The following MYO16 variants were observed in gnomAD, a reference collection of about 807,000 sequenced individuals.
MYO16 encodes the protein myosin XVI, also known as unconventional myosin-XVI.
Under a neutral mutation model 205.3 loss-of-function variants are expected in MYO16, and 94 were observed. The ratio of observed to expected loss-of-function variants is 0.46; its 90% confidence interval spans 0.39 to 0.54. The LOEUF (loss-of-function observed/expected upper bound fraction) is 0.54. Ranked by LOEUF, MYO16 falls within the 20% of genes least tolerant of loss-of-function variation. The pLI, the probability that MYO16 is intolerant of heterozygous loss-of-function variation, is 0.00. For missense variants in MYO16, 2,315 were observed against 2,387.5 expected, an observed-to-expected ratio of 0.97 and a Z score of 0.63; for synonymous variants, 988 against 954.0, an observed-to-expected ratio of 1.04 and a Z score of -0.66.
At chr13:109,174,968 T>C (rs1050335688) in intron 33 of MYO16, among the ~76,000 whole-genome samples, 2 of 151,812 alleles carry the variant, frequency 1.3e-5, no homozygotes, top group Admixed American at 6.6e-5. Flanking sequence ...GCCAGAATGG[T>C]CTTGATCTGC....
In MYO16 at chr13:108,940,607, A is replaced by G. The variant is rs567791853; in HGVS notation, c.1926-17081A>G. Among the ~76,000 whole-genome samples the G allele has an allele frequency of 9.2e-5, 14 of 152,342 alleles. No homozygotes were observed. In the South Asian group the frequency reaches 2.9e-3, roughly 32 times the overall value. On this transcript the variant is annotated intron_variant, in intron 16 of 34. Transcript: ENST00000457511. ...GAAGTAACACAGACGCTTAGAGTAA[A>G]TGTGCTTGTAATAATAATTATATTA... is the stretch of plus-strand genomic sequence containing the variant.
chr13:109,008,945 G>A lies in MYO16; in HGVS notation c.2491G>A (p.Val831Met). ...GAAGATGCACCACTATATCAATGAA[G>A]TGCTTTTTCTCCACGAGCAAGTGGA... ...NEKMHHYINEVLFLHEQVECV... is the reference protein window; with the variant it reads ...NEKMHHYINEMLFLHEQVECV... Residue 831 changes from valine to methionine, a missense_variant, in exon 22 of 35, where the codon GTG (valine) becomes ATG (methionine). Val to Met is a conservative substitution (Grantham distance 21, BLOSUM62 1). This residue lies in a region of MYO16 where 1,213 missense variants were observed against 1,274.4 expected (regional missense o/e 0.95). Coordinates refer to ENST00000457511, the MANE Select transcript of MYO16 (RefSeq NM_001198950.3). 2 of 1,613,464 alleles carry A rather than the reference G, an allele frequency of 1.2e-6. No individual in the cohort carries two copies. Among genetic ancestry groups the A allele is most frequent in the South Asian group, 2.2e-5 (2 of 90,894 alleles).
At chr13:109,114,721 A>G (rs747100156) in intron 28 of MYO16, among the ~76,000 whole-genome samples, 2 of 152,228 alleles carry the variant, frequency 1.3e-5, no homozygotes, top group Non-Finnish European at 2.9e-5. Context: ...GAAGTGTTTT[A>G]TGTTGTTTTA....
chr13:108,707,471 G>T (rs554161712), intron 2 of MYO16, among the ~76,000 whole-genome samples: 1 of 152,102 alleles, frequency 6.6e-6, no homozygotes, highest in Non-Finnish European at 1.5e-5. Context: ...GAGGGTCATT[G>T]CCCAGACTCA....
intron 1 of MYO16, among the ~76,000 whole-genome samples, chr13:108,601,673 A>C (rs1003212970): frequency 3.3e-5 from 5 of 152,126 alleles, no homozygotes; most frequent in African/African-American, 1.2e-4. Context: ...CCTGCATCCC[A>C]GACCTTTGTC....
chr13:108,642,016 C>G (rs1371919897), intron 1 of MYO16, among the ~76,000 whole-genome samples: 3 of 152,154 alleles, frequency 2.0e-5, no homozygotes, highest in Admixed American at 6.5e-5. Flanking sequence ...GGTCTCTTAG[C>G]TACTTTGCAA....
chr13:108,548,979 T>C, the MYO16 span, among the ~76,000 whole-genome samples: 1 of 152,088 alleles, frequency 6.6e-6, no homozygotes, highest in Non-Finnish European at 1.5e-5. Flanking sequence ...TCTATAGATA[T>C]ACAGATCGAT....
In MYO16 at chr13:108,915,918, C is replaced by A. The variant is rs560775144; in HGVS notation, c.1925+5768C>A. On this transcript the variant is annotated intron_variant, in intron 16 of 34. Transcript: ENST00000457511. Reference sequence around the variant, plus strand: ...TTGAACTTGTGATCCTGCTGGGAGCCGTACCTGTCACGGGGAAGCCACGGC... The same window carrying A: ...TTGAACTTGTGATCCTGCTGGGAGCAGTACCTGTCACGGGGAAGCCACGGC... 6.0e-4 allele frequency among the ~76,000 whole-genome samples: 91 copies of A among 152,212 alleles called. No homozygotes were observed. In the South Asian group the frequency reaches 0.017, roughly 28 times the overall value.
In MYO16 at chr13:109,206,946, C is replaced by A; in HGVS notation, c.*110C>A. 9 of 868,040 alleles carry A rather than the reference C, an allele frequency of 1.0e-5. No individual in the cohort carries two copies. The Admixed American group carries it at 1.3e-4, about 12-fold the overall frequency. 53.8% of individuals were successfully genotyped at this position (868,040 alleles called of 1,614,324 possible). A position where few individuals can be genotyped will look rare whatever the true frequency, so the allele number is the denominator to read the frequency against. ...TGGGGCTTCTCTCCACGCATTTAGACAAAAAAAGCACAGGACACAGACACT... is the reference window on the plus strand; with the variant it reads ...TGGGGCTTCTCTCCACGCATTTAGAAAAAAAAAGCACAGGACACAGACACT... On this transcript the variant is annotated 3_prime_UTR_variant, in exon 35 of 35. Coordinates refer to ENST00000457511, the MANE Select transcript of MYO16 (RefSeq NM_001198950.3).
intron 27 of MYO16, among the ~76,000 whole-genome samples, chr13:109,071,046 G>C (rs1321004604): frequency 6.6e-6 from 1 of 152,024 alleles, no homozygotes; most frequent in East Asian, 1.9e-4. Context: ...GGCAACTTAA[G>C]TACTAAATAC....
intron 34 of MYO16, among the ~76,000 whole-genome samples, chr13:109,200,465 T>G (rs893306225): frequency 6.6e-6 from 1 of 152,194 alleles, no homozygotes; most frequent in African/African-American, 2.4e-5. Flanking sequence ...GCAAAGTTCT[T>G]GTTTGTTGAT....
intron 22 of MYO16, among the ~76,000 whole-genome samples, chr13:109,018,958 C>T (rs1443143263): frequency 3.3e-5 from 5 of 149,622 alleles, no homozygotes; most frequent in Non-Finnish European, 7.4e-5. Flanking sequence ...CTTGGACATA[C>T]TCTGTTTTTT....
At position 108,665,871 on chromosome 13, in the gene MYO16, T is replaced by C. The variant is rs766913836; in HGVS notation, c.29-15T>C. The C allele has an allele frequency of 6.2e-7, 1 of 1,610,432 alleles. No individual in the cohort carries two copies. The highest frequency in any genetic ancestry group is 8.5e-7 in the Non-Finnish European group (1 of 1,178,000). On this transcript the variant is annotated splice_polypyrimidine_tract_variant and intron_variant, in intron 1 of 34. Coordinates refer to ENST00000457511, the MANE Select transcript of MYO16 (RefSeq NM_001198950.3). ...AATAATAGGTCTGGTGACGCTCCCC[T>C]TGCATTTCTTCCAGGTTGCTTTCAG... is the stretch of plus-strand genomic sequence containing the variant.
intron 32 of MYO16, among the ~76,000 whole-genome samples, chr13:109,148,023 AT>A (rs56353934): frequency 0.03 from 4,571 of 151,828 alleles, 93 homozygotes; most frequent in Non-Finnish European, 0.038. Context: ...GAAGAAAAGG[AT>A]TTTTTTTCTA....
rs68036528 is a variant in MYO16, at chr13:108,644,362, G to GTCTA, written c.28+14541_28+14544dup. On this transcript the variant is annotated intron_variant, in intron 1 of 34. Coordinates refer to ENST00000457511, the MANE Select transcript of MYO16 (RefSeq NM_001198950.3). ...TATTCTACCATCTATCTGTCTGTCT[G>GTCTA]TCTATCTATCTATCTATCTATCTAT... is the stretch of plus-strand genomic sequence containing the variant. Among the ~76,000 whole-genome samples the GTCTA allele has an allele frequency of 3.9e-3, 585 of 148,106 alleles. 2 individuals carry two copies. Among genetic ancestry groups the GTCTA allele is most frequent in the East Asian group, 8.3e-3 (41 of 4,932 alleles).
At chr13:108,897,791 A>C (rs1880502138) in intron 14 of MYO16, among the ~76,000 whole-genome samples, 1 of 152,184 alleles carries the variant, frequency 6.6e-6, no homozygotes, top group Admixed American at 6.5e-5. Flanking sequence ...GTCGTCAAGC[A>C]ATCTGTCTAT....
At chr13:108,626,254 A>G (rs1042861862), upstream of MYO16, among the ~76,000 whole-genome samples, 2 of 152,212 alleles carry the variant, frequency 1.3e-5, no homozygotes, top group Non-Finnish European at 2.9e-5. Flanking sequence ...TGATTATTCA[A>G]AAATGAGTTT....
At chr13:109,044,123 ATGAC>A (rs1174326833) in intron 23 of MYO16, among the ~76,000 whole-genome samples, 2 of 149,050 alleles carry the variant, frequency 1.3e-5, no homozygotes, top group East Asian at 1.9e-4. Context: ...ACAATTAGGA[ATGAC>A]TGACTATGAT....
the MYO16 span, among the ~76,000 whole-genome samples, chr13:108,559,538 A>G: frequency 8.2e-6 from 1 of 121,826 alleles, no homozygotes; most frequent in South Asian, 2.7e-4. Context: ...CAGTGGCGTG[A>G]TCTGGGCTCA....
Sources: gnomAD v4.1 joint callset for allele counts (sites outside exome capture counted in the v4.1 genomes callset) on GRCh38, gnomAD v4.1.1 for gene constraint, gnomAD v4.1.1 regional missense constraint, MANE v1.5 for transcripts, NCBI Gene and HGNC (gene_info 2026-07-23, HGNC 2026-07-21) for gene names.